The following WWOX variants were observed in gnomAD, a reference collection of about 807,000 sequenced individuals.
WWOX encodes WW domain containing oxidoreductase.
Under a neutral mutation model 46.2 loss-of-function variants are expected in WWOX, and 69 were observed. That is an observed-to-expected ratio of 1.49 (90% CI 1.23 to 1.82). The LOEUF (loss-of-function observed/expected upper bound fraction) is 1.82, where lower values mean the gene tolerates loss of function less well. Among genes scored for constraint, WWOX ranks in the 40% most tolerant of loss-of-function variants. WWOX has a pLI of 0.00. For missense variants in WWOX, 919 were observed against 542.6 expected, an observed-to-expected ratio of 1.69 and a Z score of -6.89; for synonymous variants, 359 against 202.6, an observed-to-expected ratio of 1.77 and a Z score of -6.56.
intron 8 of WWOX, among the ~76,000 whole-genome samples, chr16:78,918,547 A>C (rs1421613975): frequency 1.3e-5 from 2 of 151,954 alleles, no homozygotes; most frequent in Non-Finnish European, 2.9e-5. Context: ...TGTTAAGAAA[A>C]CTTTTTCTTC....
At chr16:78,317,154 GC>G (rs2080372069) in intron 5 of WWOX, among the ~76,000 whole-genome samples, 1 of 152,180 alleles carries the variant, frequency 6.6e-6, no homozygotes, top group Non-Finnish European at 1.5e-5. Flanking sequence ...GTAAGGGAAG[GC>G]TTCTGGAAAG....
intron 6 of WWOX, among the ~76,000 whole-genome samples, chr16:78,398,011 C>G (rs1418081287): frequency 1.3e-5 from 2 of 152,192 alleles, no homozygotes; most frequent in East Asian, 3.9e-4. Context: ...TCATTTGCAT[C>G]ATCTTTATAC....
chr16:78,201,248 A>T (rs552006019), intron 5 of WWOX, among the ~76,000 whole-genome samples: 7 of 152,350 alleles, frequency 4.6e-5, no homozygotes, highest in African/African-American at 1.7e-4. Context: ...GTCTGTTAAG[A>T]CACTTATTTT....
At chr16:78,735,076 A>G (rs1597513868) in intron 8 of WWOX, among the ~76,000 whole-genome samples, 1 of 151,480 alleles carries the variant, frequency 6.6e-6, no homozygotes, top group African/African-American at 2.4e-5. Context: ...CATGTTGGCC[A>G]GGCTGGTCTC....
intron 5 of WWOX, among the ~76,000 whole-genome samples, chr16:78,375,804 A>G (rs2081807355): frequency 6.6e-6 from 1 of 152,200 alleles, no homozygotes; most frequent in Non-Finnish European, 1.5e-5. Context: ...AAAATTGGAA[A>G]CAACATAAAA....
chr16:78,277,436 C>T (rs542091614), intron 5 of WWOX, among the ~76,000 whole-genome samples: 5 of 152,180 alleles, frequency 3.3e-5, no homozygotes, highest in African/African-American at 9.6e-5. Flanking sequence ...ACCTGTGCTC[C>T]GGATTCCAGG....
At chr16:78,768,279 TAAA>T (rs56280651) in intron 8 of WWOX, among the ~76,000 whole-genome samples, 45 of 91,954 alleles carry the variant, frequency 4.9e-4, no homozygotes, top group African/African-American at 1.0e-3. Flanking sequence ...ATAGATGAGT[TAAA>T]AAAAAAAAAA....
intron 8 of WWOX, among the ~76,000 whole-genome samples, chr16:78,978,055 T>C (rs1332107815): frequency 1.3e-5 from 2 of 152,248 alleles, no homozygotes; most frequent in Admixed American, 1.3e-4. Context: ...TCCTCTTCCC[T>C]ACCATTCTAC....
chr16:78,910,945 A>T (rs888328404), intron 8 of WWOX, among the ~76,000 whole-genome samples: 14 of 152,074 alleles, frequency 9.2e-5, no homozygotes, highest in Admixed American at 2.6e-4. Context: ...CCTTTCCATC[A>T]TGTTTACATA....
At chr16:78,676,936 A>G (rs2047613823) in intron 8 of WWOX, among the ~76,000 whole-genome samples, 2 of 152,180 alleles carry the variant, frequency 1.3e-5, no homozygotes, top group Admixed American at 1.3e-4. Context: ...AGGGGAAGAA[A>G]AACAGTTTTG....
chr16:78,307,854 G>T (rs2080162567), intron 5 of WWOX, among the ~76,000 whole-genome samples: 1 of 152,066 alleles, frequency 6.6e-6, no homozygotes, highest in Non-Finnish European at 1.5e-5. Flanking sequence ...TTTACTAGAT[G>T]TCTAGCATGT....
intron 5 of WWOX, among the ~76,000 whole-genome samples, chr16:78,315,446 C>G (rs60513899): frequency 6.6e-6 from 1 of 151,912 alleles, no homozygotes; most frequent in Non-Finnish European, 1.5e-5. Flanking sequence ...GTTAGGAGTT[C>G]GAGACCAGCC....
At chr16:78,408,547 G>C (rs768834984) in intron 6 of WWOX, among the ~76,000 whole-genome samples, 2 of 152,192 alleles carry the variant, frequency 1.3e-5, no homozygotes, top group African/African-American at 2.4e-5. Flanking sequence ...GCTGAGCTAA[G>C]GAGCAGAAAG....
chr16:78,671,531 T>C (rs559516576), intron 8 of WWOX, among the ~76,000 whole-genome samples: 1 of 152,322 alleles, frequency 6.6e-6, no homozygotes, highest in South Asian at 2.1e-4. Flanking sequence ...GCTTATTTAG[T>C]ACAACAACCC....
intron 8 of WWOX, among the ~76,000 whole-genome samples, chr16:78,559,048 C>A (rs927144335): frequency 6.6e-6 from 1 of 152,160 alleles, no homozygotes; most frequent in East Asian, 1.9e-4. Context: ...CTGGCCGCTA[C>A]GTGGAAGGAC....
chr16:78,903,241 T>C (rs4888873), intron 8 of WWOX, among the ~76,000 whole-genome samples: 19,152 of 152,232 alleles, frequency 0.13, 1,594 homozygotes, highest in Non-Finnish European at 0.17. Context: ...ATCAGTCTTA[T>C]TGGTTGCAGA....
intron 8 of WWOX, among the ~76,000 whole-genome samples, chr16:78,593,833 T>G (rs1451423025): frequency 6.6e-6 from 1 of 151,916 alleles, no homozygotes; most frequent in Non-Finnish European, 1.5e-5. Context: ...GCTGAGGACA[T>G]ACGAGGAGTC....
intron 8 of WWOX, among the ~76,000 whole-genome samples, chr16:79,085,704 CA>C (rs558741027): frequency 3.8e-4 from 57 of 151,918 alleles, no homozygotes; most frequent in Non-Finnish European, 7.6e-4. Flanking sequence ...TATTCCTTAC[CA>C]AAACCAGTTA....
At chr16:79,194,942 G>C (rs750809310) in intron 8 of WWOX, among the ~76,000 whole-genome samples, 82 of 152,264 alleles carry the variant, frequency 5.4e-4, no homozygotes, top group Non-Finnish European at 9.1e-4. Context: ...GGCAGAATGA[G>C]ATGAGTAGAT....
Sources: allele counts gnomAD v4.1 joint callset (sites outside exome capture counted in the v4.1 genomes callset), GRCh38; gene constraint gnomAD v4.1.1; transcripts MANE v1.5; gene names NCBI Gene and HGNC (gene_info 2026-07-23, HGNC 2026-07-21).